CYBRD1: variants seen among roughly 807,000 people sequenced by gnomAD.
The protein encoded by CYBRD1 is plasma membrane ascorbate-dependent reductase CYBRD1.
Under a neutral mutation model 21.9 loss-of-function variants are expected in CYBRD1, and 14 were observed. The ratio of observed to expected loss-of-function variants is 0.64; its 90% confidence interval spans 0.42 to 1.00. The LOEUF (loss-of-function observed/expected upper bound fraction) is 1.00, where lower values mean the gene tolerates loss of function less well. CYBRD1 is among the 50% of genes least tolerant of loss of function. CYBRD1 has a pLI of 0.00. For missense variants in CYBRD1, 328 were observed against 352.5 expected, an observed-to-expected ratio of 0.93 and a Z score of 0.56; for synonymous variants, 146 against 136.5, an observed-to-expected ratio of 1.07 and a Z score of -0.48.
At chr2:171,527,301 T>TA (rs1697399235) in intron 1 of CYBRD1, among the ~76,000 whole-genome samples, 1 of 152,184 alleles carries the variant, frequency 6.6e-6, no homozygotes, top group Admixed American at 6.5e-5. Context: ...ATGCAACCAA[T>TA]AAAAATGTTT....
rs1297884759 is a variant in CYBRD1, at chr2:171,557,920, C to G, written c.*3093C>G. 1.3e-5 allele frequency: 2 copies of G among 152,108 alleles called. No homozygotes were observed. The highest frequency in any genetic ancestry group is 1.3e-4 in the Admixed American group (2 of 15,262). The allele number at this position is 152,108 out of a possible 1,614,324, so 9.4% of individuals were successfully genotyped here. On this transcript the variant is annotated 3_prime_UTR_variant, in exon 4 of 4. Coordinates refer to ENST00000321348, the MANE Select transcript of CYBRD1 (RefSeq NM_024843.4). ...CAGCAGGAAACTGTAACTGCTATGT[C>G]TTTAGGAAAATGTAGAAGAAAGAAC... is the stretch of plus-strand genomic sequence containing the variant.
intron 1 of CYBRD1, among the ~76,000 whole-genome samples, chr2:171,539,187 A>G (rs560559988): frequency 6.6e-6 from 1 of 152,246 alleles, no homozygotes; most frequent in African/African-American, 2.4e-5. Context: ...TTCTGGAATT[A>G]AGAAATGTAC....
chr2:171,522,863 G>A lies in CYBRD1; in HGVS notation c.193+125G>A. 1 of 1,468,440 alleles carries A rather than the reference G, an allele frequency of 6.8e-7. No individual in the cohort carries two copies. Among genetic ancestry groups the A allele is most frequent in the Non-Finnish European group, 9.2e-7 (1 of 1,092,454 alleles). The allele number at this position is 1,468,440 out of a possible 1,614,324, so 91.0% of individuals were successfully genotyped here. A position where few individuals can be genotyped will look rare whatever the true frequency, so the allele number is the denominator to read the frequency against. On this transcript the variant is annotated intron_variant, in intron 1 of 3. Transcript: ENST00000321348. This position sits in a 1 kb window ranked among gnomAD's most constrained non-coding sequence, Gnocchi z 4.3. ...GGATCGCGGGGCCCGGAGGAGTGCG[G>A]TGAGGAGCGCGCGGGAAGCCAAGTC...
chr2:171,523,134 C>T (rs1697333836), intron 1 of CYBRD1: 55 of 326,424 alleles, frequency 1.7e-4, no homozygotes, highest in South Asian at 1.4e-3. Flanking sequence ...CCGCTGCAGC[C>T]CACGCGCCCC....
In CYBRD1 at chr2:171,554,799, A is replaced by G. The variant is rs777956355; in HGVS notation, c.833A>G (p.Asp278Gly). ...VAARKRNLAL[D>G]EAGQRSTM is the part of the protein sequence containing the mutation. ...GCAAGGAAAAGAAACTTAGCTCTGG[A>G]TGAGGCTGGGCAGAGATCTACCATG... The change falls in exon 4 of 4, where the codon GAT (aspartate) becomes GGT (glycine). Residue 278 changes from aspartate (D) to glycine (G), a missense_variant. Coordinates refer to ENST00000321348, the MANE Select transcript of CYBRD1 (RefSeq NM_024843.4). 2 of 1,613,482 alleles carry G rather than the reference A, an allele frequency of 1.2e-6. No individual in the cohort carries two copies. The highest frequency in any genetic ancestry group is 1.7e-6 in the Non-Finnish European group (2 of 1,179,888).
chr2:171,534,742 G>A (rs1006114117), intron 1 of CYBRD1, among the ~76,000 whole-genome samples: 4 of 152,156 alleles, frequency 2.6e-5, no homozygotes, highest in African/African-American at 9.7e-5. Context: ...ATTGGCTAGT[G>A]GGTTTGCAGG....
At chr2:171,540,543 T>G (rs1279795580) in intron 1 of CYBRD1, among the ~76,000 whole-genome samples, 4 of 152,182 alleles carry the variant, frequency 2.6e-5, no homozygotes, top group African/African-American at 9.7e-5. Flanking sequence ...AACTTTACCT[T>G]AAGTAGATAC....
At chr2:171,529,449 T>C (rs1697431473) in intron 1 of CYBRD1, among the ~76,000 whole-genome samples, 1 of 146,324 alleles carries the variant, frequency 6.8e-6, no homozygotes, top group Admixed American at 7.3e-5. Context: ...GAGAATCGCT[T>C]GAACCCAGGA....
intron 1 of CYBRD1, among the ~76,000 whole-genome samples, chr2:171,525,491 G>C (rs75594257): frequency 6.6e-6 from 1 of 152,112 alleles, no homozygotes; most frequent in South Asian, 2.1e-4. Flanking sequence ...TGGAAGGAGG[G>C]GGAGTAATAA....
Position 171,554,951 on chromosome 2 carries a change from TG to T in CYBRD1, c.*126del. 1 of 1,073,692 alleles carries T rather than the reference TG, an allele frequency of 9.3e-7. No individual in the cohort carries two copies. Among genetic ancestry groups the T allele is most frequent in the Non-Finnish European group, 1.4e-6 (1 of 725,770 alleles). 66.5% of individuals were successfully genotyped at this position (1,073,692 alleles called of 1,614,324 possible). A position where few individuals can be genotyped will look rare whatever the true frequency, so the allele number is the denominator to read the frequency against. On this transcript the variant is annotated 3_prime_UTR_variant, in exon 4 of 4. Transcript: ENST00000321348. Reference sequence around the variant, plus strand: ...CAATATTTACTTTAATCACAAAGGATGGTTTCTTGAAATAATTTGTATTGAT... The same window carrying T: ...CAATATTTACTTTAATCACAAAGGATGTTTCTTGAAATAATTTGTATTGAT...
At chr2:171,539,524 T>C (rs1697597090) in intron 1 of CYBRD1, among the ~76,000 whole-genome samples, 1 of 152,110 alleles carries the variant, frequency 6.6e-6, no homozygotes, top group East Asian at 1.9e-4. Flanking sequence ...GAATCCATCG[T>C]CTGAGGAAGT....
At chr2:171,542,203 A>G (rs1697645475) in intron 2 of CYBRD1, among the ~76,000 whole-genome samples, 2 of 152,146 alleles carry the variant, frequency 1.3e-5, no homozygotes, top group African/African-American at 4.8e-5. Flanking sequence ...ATTTGTTTCT[A>G]TTATAACTAT....
rs1180125454 is a variant in CYBRD1, at chr2:171,556,769, T to A, written c.*1942T>A. ...TGCCTGGCACAAAGTGGTAGCACAA[T>A]TAAATTCAGTATGGGTGGAGCATGG... is the stretch of plus-strand genomic sequence containing the variant. On this transcript the variant is annotated 3_prime_UTR_variant, in exon 4 of 4. Transcript: ENST00000321348. The A allele has an allele frequency of 6.6e-6, 1 of 152,210 alleles. No individual in the cohort carries two copies. The highest frequency in any genetic ancestry group is 1.5e-5 in the Non-Finnish European group (1 of 68,054). The allele number at this position is 152,210 out of a possible 1,614,324, so 9.4% of individuals were successfully genotyped here.
chr2:171,529,809 C>G (rs756974491), intron 1 of CYBRD1, among the ~76,000 whole-genome samples: 1 of 152,160 alleles, frequency 6.6e-6, no homozygotes, highest in Non-Finnish European at 1.5e-5. Context: ...TTGTAGTACT[C>G]TGTATACCTA....
intron 2 of CYBRD1, among the ~76,000 whole-genome samples, chr2:171,542,106 C>T (rs771593170): frequency 3.3e-5 from 5 of 151,864 alleles, no homozygotes; most frequent in South Asian, 2.1e-4. Flanking sequence ...TCAGGTGATC[C>T]GCCTGCCTCA....
chr2:171,533,158 G>GGA lies in CYBRD1; in HGVS notation c.194-8425_194-8424dup, dbSNP rs1469594136. On this transcript the variant is annotated intron_variant, in intron 1 of 3. Transcript: ENST00000321348. Reference sequence around the variant, plus strand: ...AAGGTGGGCAGATCACTTGAGGTCAGGAGTTCGAGACGAGCCTGGCCAACA... The same window carrying GGA: ...AAGGTGGGCAGATCACTTGAGGTCAGGAGAGTTCGAGACGAGCCTGGCCAACA... Among the ~76,000 whole-genome samples the GGA allele has an allele frequency of 2.0e-5, 3 of 152,138 alleles. No individual in the cohort carries two copies. The East Asian group carries it at 5.8e-4, about 30-fold the overall frequency.
intron 1 of CYBRD1, among the ~76,000 whole-genome samples, chr2:171,524,599 C>T (rs1216834993): frequency 2.0e-5 from 3 of 152,194 alleles, no homozygotes; most frequent in African/African-American, 7.2e-5. Context: ...CATTATGTCA[C>T]ATCACATGTA....
rs1683458499 is a variant in CYBRD1 at position 171,555,050 on chromosome 2, A to C, written c.*223A>C. 1 of 579,132 alleles carries C rather than the reference A, an allele frequency of 1.7e-6. No homozygotes were observed. Among genetic ancestry groups the C allele is most frequent in the African/African-American group, 1.9e-5 (1 of 53,320 alleles). 35.9% of individuals were successfully genotyped at this position (579,132 alleles called of 1,614,324 possible). A position where few individuals can be genotyped will look rare whatever the true frequency, so the allele number is the denominator to read the frequency against. ...ATAATAGCAGATATAAATTGTGGTT[A>C]TGTTACCTTTATCTTGTTGAGGACC... is the stretch of plus-strand genomic sequence containing the variant. On this transcript the variant is annotated 3_prime_UTR_variant, in exon 4 of 4. Coordinates refer to ENST00000321348, the MANE Select transcript of CYBRD1 (RefSeq NM_024843.4).
At chr2:171,547,435 CTT>C (rs35411294) in intron 2 of CYBRD1, among the ~76,000 whole-genome samples, 21,278 of 136,860 alleles carry the variant, frequency 0.16, 1,708 homozygotes, top group Non-Finnish European at 0.18. Context: ...TTTGGGTGCT[CTT>C]TTTTTTTTTT....
Sources: allele counts gnomAD v4.1 joint callset (sites outside exome capture counted in the v4.1 genomes callset), GRCh38; gene constraint gnomAD v4.1.1; non-coding constraint Gnocchi (gnomAD v3.1); transcripts MANE v1.5; gene names NCBI Gene and HGNC (gene_info 2026-07-23, HGNC 2026-07-21).